Variants in TP63 observed in about 807,000 individuals in gnomAD.
The protein encoded by TP63 is tumor protein 63.
TP63 carries 17 observed loss-of-function variants against 82.8 expected under a neutral mutation model. The observed-to-expected ratio is 0.21, with a 90% confidence interval of 0.14 to 0.31. The LOEUF is 0.31. TP63 is among the 10% of genes least tolerant of loss of function. The pLI, the probability that TP63 is intolerant of heterozygous loss-of-function variation, is 1.00. For synonymous variants in TP63, 330 were observed against 321.7 expected (o/e 1.03, Z -0.28); for missense variants, 648 against 895.3 (o/e 0.72, Z 3.52).
In TP63 at chr3:189,808,364, G is replaced by A. The variant is rs575351974; in HGVS notation, c.417G>A (p.Ala139=). The A allele has an allele frequency of 3.3e-5, 53 of 1,614,134 alleles. No homozygotes were observed. In the South Asian group the frequency reaches 5.6e-4, roughly 17 times the overall value. The change falls in exon 4 of 14, where the codon GCG becomes GCA. Residue 139 remains alanine, a synonymous_variant. Transcript: ENST00000264731. ...CCAGTCCCTATAACACAGACCACGC[G>A]CAGAACAGCGTCACGGCGCCCTCGC... is the stretch of plus-strand genomic sequence containing the variant. ...SSTSPYNTDH[A]QNSVTAPSPY...
Position 189,631,489 on chromosome 3 carries a change from C to T in TP63, c.-27C>T, listed in dbSNP as rs1032933050. The T allele has an allele frequency of 1.5e-5, 24 of 1,612,092 alleles. No homozygotes were observed. Among genetic ancestry groups the T allele is most frequent in the Non-Finnish European group, 2.0e-5 (24 of 1,178,650 alleles). The stretch of plus-strand genomic sequence containing the variant: ...ATATTTTATATAATTGTTCTCCGTT[C>T]GTTGATATCAAAGACAGTTGAAGGA... On this transcript the variant is annotated 5_prime_UTR_variant, in exon 1 of 14. Transcript: ENST00000264731.
At chr3:189,673,240 AG>A (rs1281199660) in intron 1 of TP63, among the ~76,000 whole-genome samples, 8 of 152,168 alleles carry the variant, frequency 5.3e-5, no homozygotes, top group Admixed American at 2.0e-4. Flanking sequence ...CTAGGAAAGA[AG>A]GGAATCTTCC....
chr3:189,836,473 T>G (rs1713168996), intron 4 of TP63, among the ~76,000 whole-genome samples: 1 of 152,206 alleles, frequency 6.6e-6, no homozygotes, highest in African/African-American at 2.4e-5. Flanking sequence ...TTTTGCTTTG[T>G]AACCTGTAGA....
At chr3:189,701,797 A>G (rs1221982969) in intron 1 of TP63, among the ~76,000 whole-genome samples, 1 of 151,736 alleles carries the variant, frequency 6.6e-6, no homozygotes, top group African/African-American at 2.4e-5. Context: ...GTACTTTCCT[A>G]TTTTTTGAAG....
At chr3:189,691,708 G>A (rs78515745) in intron 1 of TP63, among the ~76,000 whole-genome samples, 2,344 of 152,214 alleles carry the variant, frequency 0.015, 54 homozygotes, top group African/African-American at 0.054. Context: ...CACTAGCTGT[G>A]TAAGAGTCTA....
intron 1 of TP63, among the ~76,000 whole-genome samples, chr3:189,728,962 G>A (rs1719965713): frequency 6.6e-6 from 1 of 152,078 alleles, no homozygotes; most frequent in Non-Finnish European, 1.5e-5. Flanking sequence ...TGTAAGGAGG[G>A]TTTGCTCAAA....
chr3:189,660,960 A>C (rs1290910851), intron 1 of TP63, among the ~76,000 whole-genome samples: 1 of 152,054 alleles, frequency 6.6e-6, no homozygotes, highest in Non-Finnish European at 1.5e-5. Flanking sequence ...GTCATTTATC[A>C]GTTCTCAAAG....
At chr3:189,666,708 T>C (rs968506530) in intron 1 of TP63, among the ~76,000 whole-genome samples, 2 of 152,146 alleles carry the variant, frequency 1.3e-5, no homozygotes, top group African/African-American at 4.8e-5. Context: ...GAAAGGTAGC[T>C]GAAGAAACTT....
At chr3:189,816,187 C>G (rs1728164413) in intron 4 of TP63, among the ~76,000 whole-genome samples, 1 of 152,032 alleles carries the variant, frequency 6.6e-6, no homozygotes. Flanking sequence ...TGTGCCAGAA[C>G]AAAAATCATC....
intron 10 of TP63, among the ~76,000 whole-genome samples, chr3:189,879,176 C>T (rs1055865705): frequency 6.6e-6 from 1 of 152,100 alleles, no homozygotes. Flanking sequence ...TCAATTCTTG[C>T]CGGTGACATG....
intron 4 of TP63, among the ~76,000 whole-genome samples, chr3:189,855,837 G>A (rs2108776144): frequency 6.6e-6 from 1 of 152,110 alleles, no homozygotes; most frequent in Middle Eastern, 3.4e-3. Context: ...TTTTGACAAT[G>A]ATGAAATATT....
chr3:189,700,957 G>C (rs892518125), intron 1 of TP63, among the ~76,000 whole-genome samples: 2 of 152,182 alleles, frequency 1.3e-5, no homozygotes, highest in Non-Finnish European at 2.9e-5. Flanking sequence ...CAAAAATAAT[G>C]TTAATGAATC....
chr3:189,691,355 A>AAAGAAAG (rs1716908952), intron 1 of TP63, among the ~76,000 whole-genome samples: 1 of 143,922 alleles, frequency 6.9e-6, no homozygotes, highest in Non-Finnish European at 1.5e-5. Context: ...AAAAAAAAAA[A>AAAGAAAG]AAAAAGAAAA....
At chr3:189,705,558 C>T (rs73056186) in intron 1 of TP63, among the ~76,000 whole-genome samples, 7,993 of 152,028 alleles carry the variant, frequency 0.053, 220 homozygotes, top group Non-Finnish European at 0.063. Flanking sequence ...CTCCTGAGTG[C>T]GAAGCAGCCT....
intron 1 of TP63, among the ~76,000 whole-genome samples, chr3:189,705,019 T>A (rs955621045): frequency 6.6e-6 from 1 of 152,226 alleles, no homozygotes; most frequent in African/African-American, 2.4e-5. Flanking sequence ...CTATGATTTT[T>A]AAATTTACAT....
intron 3 of TP63, among the ~76,000 whole-genome samples, chr3:189,780,741 T>G (rs1192697665): frequency 1.3e-5 from 2 of 152,210 alleles, no homozygotes; most frequent in African/African-American, 4.8e-5. Context: ...CATTTGTGCC[T>G]GGGAGAGCTG....
chr3:189,682,272 T>A (rs1486480419), intron 1 of TP63, among the ~76,000 whole-genome samples: 1 of 151,116 alleles, frequency 6.6e-6, no homozygotes, highest in Non-Finnish European at 1.5e-5. Context: ...AATGCATATA[T>A]GAAAAATTCT....
At chr3:189,785,896 G>C (rs1395958269) in intron 3 of TP63, among the ~76,000 whole-genome samples, 1 of 151,976 alleles carries the variant, frequency 6.6e-6, no homozygotes, top group Non-Finnish European at 1.5e-5. Flanking sequence ...CCCTCATTCA[G>C]CATTCAGGTA....
intron 3 of TP63, among the ~76,000 whole-genome samples, chr3:189,787,678 G>C (rs774242940): frequency 2.6e-4 from 40 of 151,960 alleles, no homozygotes; most frequent in Non-Finnish European, 1.0e-4. Context: ...TCAATACTTG[G>C]GACCCTGAGC....
Sources: allele counts gnomAD v4.1 joint callset (sites outside exome capture counted in the v4.1 genomes callset), GRCh38; gene constraint gnomAD v4.1.1; transcripts MANE v1.5; gene names NCBI Gene and HGNC (gene_info 2026-07-23, HGNC 2026-07-21).